EXOC3L2: variants seen among roughly 807,000 people sequenced by gnomAD.
EXOC3L2 encodes exocyst complex component 3-like protein 2.
EXOC3L2 carries 17 observed loss-of-function variants against 44.4 expected under a neutral mutation model. That is an observed-to-expected ratio of 0.38 (90% CI 0.26 to 0.57). The LOEUF (loss-of-function observed/expected upper bound fraction) is 0.57, where lower values mean the gene tolerates loss of function less well. Among genes scored for constraint, EXOC3L2 ranks in the 20% least tolerant of loss-of-function variants. The pLI is 0.65. For missense variants in EXOC3L2, 541 were observed against 588.4 expected (o/e 0.92, Z 0.83); for synonymous variants, 256 against 253.7 (o/e 1.01, Z -0.09).
At chr19:45,240,794 C>T (rs1970125186) in intron 1 of EXOC3L2, among the ~76,000 whole-genome samples, 1 of 152,188 alleles carries the variant, frequency 6.6e-6, no homozygotes, top group African/African-American at 2.4e-5. Flanking sequence ...ATCCCAGCTA[C>T]TCGGGAGGCT....
In EXOC3L2 at chr19:45,218,338, G is replaced by A. The variant is rs3826909; in HGVS notation, c.1720-19C>T. On this transcript the variant is annotated intron_variant, in intron 8 of 11. Transcript: ENST00000413988. ...AGTGTGGCTGGCAGGGACAGAGTAG[G>A]GGGTCACGCTCTCCTCCCTCCCACC... 149,013 of 1,579,564 alleles carry A rather than the reference G, an allele frequency of 0.094. 7,589 individuals carry two copies. The highest frequency in any genetic ancestry group is 0.19 in the African/African-American group (14,116 of 74,328).
At chr19:45,239,886 C>T (rs1160433341) in intron 1 of EXOC3L2, among the ~76,000 whole-genome samples, 3 of 151,960 alleles carry the variant, frequency 2.0e-5, no homozygotes, top group Admixed American at 2.0e-4. Context: ...GGGGGGAAGG[C>T]TCCCTCCCAA....
intron 9 of EXOC3L2, 42 bp downstream of exon 9, chr19:45,218,154 CT>C (rs1335443550): frequency 1.9e-6 from 2 of 1,070,882 alleles, no homozygotes; most frequent in South Asian, 1.6e-5. Flanking sequence ...CTCCTCCCCT[CT>C]TTTCCCCCAC....
At chr19:45,217,879 G>A (rs2122958226) in intron 9 of EXOC3L2, among the ~76,000 whole-genome samples, 196 bp from the exon 10 acceptor site, 1 of 151,712 alleles carries the variant, frequency 6.6e-6, no homozygotes, top group Middle Eastern at 3.4e-3. Flanking sequence ...TAATTAGCCC[G>A]CGGACAGTCT....
chr19:45,225,920 C>T (rs1969954992), intron 7 of EXOC3L2, among the ~76,000 whole-genome samples: 1 of 152,188 alleles, frequency 6.6e-6, no homozygotes, highest in East Asian at 1.9e-4. Context: ...CTGCATCCTG[C>T]CCCGGCCATT....
rs756258972 is a variant in EXOC3L2 at position 45,213,332 on chromosome 19, C to A, written c.2146G>T (p.Asp716Tyr). 6.2e-7 allele frequency: 1 copy of A among 1,613,314 alleles called. No homozygotes were observed. The change falls in exon 12 of 12, where the codon GAC (aspartate) becomes TAC (tyrosine). Residue 716 changes from aspartate (D) to tyrosine (Y), a missense_variant. Coordinates refer to ENST00000413988, the MANE Select transcript of EXOC3L2 (RefSeq NM_001382422.1). ...GCTGTGTTGCGCAGGCCACGGATGT[C>A]GAGGAGGGCTGCCACGTGCTTCTGC... ...IRQKHVAALL[D>Y]IRGLRNTAAR...
chr19:45,230,087 C>A (rs1180520542), intron 4 of EXOC3L2, among the ~76,000 whole-genome samples: 1 of 151,922 alleles, frequency 6.6e-6, no homozygotes, highest in African/African-American at 2.4e-5. Context: ...TGCAGTGGTA[C>A]CATCATGGCT....
At chr19:45,230,351 T>C (rs1005422301) in intron 4 of EXOC3L2, among the ~76,000 whole-genome samples, 1 of 152,124 alleles carries the variant, frequency 6.6e-6, no homozygotes, top group South Asian at 2.1e-4. Context: ...CCAGAGTAGC[T>C]GGGACTATAG....
At chr19:45,226,615 T>C (rs565079046) in intron 7 of EXOC3L2, among the ~76,000 whole-genome samples, 2 of 152,042 alleles carry the variant, frequency 1.3e-5, no homozygotes, top group East Asian at 1.9e-4. Context: ...TTTTGTATTT[T>C]TTTAGAGATG....
At chr19:45,225,922 C>T (rs1346873158) in intron 7 of EXOC3L2, among the ~76,000 whole-genome samples, 1 of 152,160 alleles carries the variant, frequency 6.6e-6, no homozygotes. Context: ...GCATCCTGCC[C>T]CGGCCATTTA....
chr19:45,223,622 G>A lies in EXOC3L2; in HGVS notation c.1719+1156C>T, dbSNP rs1225032797. Among the ~76,000 whole-genome samples, 9 of 150,964 alleles carry A rather than the reference G, an allele frequency of 6.0e-5. 1 individual carries two copies. The South Asian group carries it at 1.9e-3, about 32-fold the overall frequency. ...CCTCCCAAGTGCTGGGATTACAGGCGTGAGCCACCGCACCCAGTCAGAGCT... is the reference window on the plus strand; with the variant it reads ...CCTCCCAAGTGCTGGGATTACAGGCATGAGCCACCGCACCCAGTCAGAGCT... On this transcript the variant is annotated intron_variant, in intron 8 of 11. Transcript: ENST00000413988.
At chr19:45,220,400 G>A (rs963129557) in intron 8 of EXOC3L2, among the ~76,000 whole-genome samples, 1 of 151,998 alleles carries the variant, frequency 6.6e-6, no homozygotes, top group African/African-American at 2.4e-5. Flanking sequence ...AGCCCAGGTG[G>A]TTGAGGCTGC....
rs897141609 is a variant in EXOC3L2 at position 45,234,004 on chromosome 19, G to A, written c.1157+189C>T. Among the ~76,000 whole-genome samples, 5 of 152,176 alleles carry A rather than the reference G, an allele frequency of 3.3e-5. No individual in the cohort carries two copies. The highest frequency in any genetic ancestry group is 1.3e-4 in the Admixed American group (2 of 15,266). Reference sequence around the variant, plus strand: ...CCATGGTACTAAGGTGCTGGAACCGGAAGCCTCGGTAGCAGTGAGAGTCTA... The same window carrying A: ...CCATGGTACTAAGGTGCTGGAACCGAAAGCCTCGGTAGCAGTGAGAGTCTA... On this transcript the variant is annotated intron_variant, in intron 3 of 11. Coordinates refer to ENST00000413988, the MANE Select transcript of EXOC3L2 (RefSeq NM_001382422.1). The surrounding 1 kb of genome is among the most constrained non-coding windows in gnomAD (Gnocchi z 5.0).
intron 7 of EXOC3L2, among the ~76,000 whole-genome samples, chr19:45,225,286 T>TG (rs1969946101): frequency 6.9e-6 from 1 of 145,912 alleles, no homozygotes; most frequent in Non-Finnish European, 1.5e-5. Context: ...TTTTTTTTTT[T>TG]GAGACGGAGT....
intron 1 of EXOC3L2, among the ~76,000 whole-genome samples, chr19:45,242,068 C>T (rs1402757575): frequency 6.6e-6 from 1 of 152,322 alleles, no homozygotes; most frequent in African/African-American, 2.4e-5. Flanking sequence ...GAGCAGGCCA[C>T]GCAGGGCTTT....
chr19:45,217,586 C>G lies in EXOC3L2; in HGVS notation c.1940G>C (p.Arg647Pro). 6.5e-7 allele frequency: 1 copy of G among 1,540,780 alleles called. No homozygotes were observed. The highest frequency in any genetic ancestry group is 1.4e-5 in the African/African-American group (1 of 70,920). ...GTCCTCCCGGAGCCTGCCGGCCACG[C>G]GGCTGCGGGTCCGCGCCGAGCTGCA... ...LRCSSARTRS[R>P]VAGRLREDAA... The change falls in exon 10 of 12, where the codon CGC becomes CCC. Residue 647 changes from arginine to proline, a missense_variant. Transcript: ENST00000413988.
intron 4 of EXOC3L2, among the ~76,000 whole-genome samples, chr19:45,230,640 C>T (rs950781047): frequency 6.6e-6 from 1 of 152,004 alleles, no homozygotes; most frequent in Admixed American, 6.6e-5. Context: ...TGAGCCACCG[C>T]GCCCGGCCAA....
chr19:45,225,041 C>G, intron 7 of EXOC3L2, 128 bp from the exon 8 acceptor site: 2 of 1,219,406 alleles, frequency 1.6e-6, no homozygotes, highest in South Asian at 5.4e-5. Flanking sequence ...TGAGAAAGGT[C>G]AGGGACTCTG....
Position 45,224,807 on chromosome 19 carries a change from C to T in EXOC3L2, c.1690G>A (p.Val564Met), listed in dbSNP as rs777456650. ...DHVTRLCHRV[V>M]ANLLFQELQP... ...AGCTCCTGGAACAGCAGGTTGGCCACGACACGGTGGCAGAGCCGGGTCACA... is the reference window on the plus strand; with the variant it reads ...AGCTCCTGGAACAGCAGGTTGGCCATGACACGGTGGCAGAGCCGGGTCACA... Residue 564 changes from valine (V) to methionine (M), a missense_variant, in exon 8 of 12, where the codon GTG becomes ATG. By Grantham distance (21) the Val-to-Met change is conservative. Transcript: ENST00000413988. The T allele has an allele frequency of 3.7e-5, 58 of 1,567,880 alleles. No individual in the cohort carries two copies. In the Middle Eastern group the frequency reaches 5.0e-4, roughly 14 times the overall value.
Sources: allele counts gnomAD v4.1 joint callset (sites outside exome capture counted in the v4.1 genomes callset), GRCh38; gene constraint gnomAD v4.1.1; non-coding constraint Gnocchi (gnomAD v3.1); transcripts MANE v1.5; gene names NCBI Gene and HGNC (gene_info 2026-07-23, HGNC 2026-07-21).